CRTAC1: variants seen among roughly 807,000 people sequenced by gnomAD.
CRTAC1 encodes cartilage acidic protein 1.
In CRTAC1, 37 loss-of-function variants were observed where a neutral mutation model predicts 67.8. The ratio of observed to expected loss-of-function variants is 0.55; its 90% confidence interval spans 0.42 to 0.72. CRTAC1 has a LOEUF of 0.72. Among genes scored for constraint, CRTAC1 ranks in the 30% least tolerant of loss-of-function variants. The pLI is 0.00. For missense variants in CRTAC1, 780 were observed against 931.6 expected (o/e 0.84, Z 2.12); for synonymous variants, 348 against 371.0 (o/e 0.94, Z 0.71).
chr10:97,939,317 G>T (rs1404961965), intron 2 of CRTAC1, among the ~76,000 whole-genome samples: 1 of 152,166 alleles, frequency 6.6e-6, no homozygotes, highest in African/African-American at 2.4e-5. Flanking sequence ...GTTTTAAGGT[G>T]CCAGTTCCAG....
At chr10:97,872,469 A>ACT (rs2050104531) in intron 14 of CRTAC1, among the ~76,000 whole-genome samples, 1 of 152,032 alleles carries the variant, frequency 6.6e-6, no homozygotes, top group African/African-American at 2.4e-5. Context: ...AGAGGAGGGG[A>ACT]GGAAGCGTGT....
intron 2 of CRTAC1, among the ~76,000 whole-genome samples, chr10:97,967,271 C>T (rs2051633491): frequency 6.6e-6 from 1 of 152,118 alleles, no homozygotes; most frequent in South Asian, 2.1e-4. Flanking sequence ...CAGCTTTAGC[C>T]ATTGGGAGCT....
At chr10:97,876,360 C>T (rs1253297002) in intron 14 of CRTAC1, among the ~76,000 whole-genome samples, 2 of 152,190 alleles carry the variant, frequency 1.3e-5, no homozygotes, top group Non-Finnish European at 2.9e-5. Flanking sequence ...AGTTTAGATT[C>T]AACCCAGACA....
At chr10:98,026,405 T>C (rs754320828) in intron 1 of CRTAC1, among the ~76,000 whole-genome samples, 1 of 152,182 alleles carries the variant, frequency 6.6e-6, no homozygotes. Flanking sequence ...TCTCAAGCTC[T>C]CTACCCACTC....
intron 6 of CRTAC1, among the ~76,000 whole-genome samples, chr10:97,907,759 A>G (rs1449370768): frequency 1.3e-5 from 2 of 152,160 alleles, no homozygotes; most frequent in African/African-American, 4.8e-5. Flanking sequence ...GGGCAATCTC[A>G]GGTACTGGAA....
chr10:97,880,167 C>T lies in CRTAC1; in HGVS notation c.1819+82G>A, dbSNP rs796737291. 38 of 1,506,574 alleles carry T rather than the reference C, an allele frequency of 2.5e-5. No homozygotes were observed. In the African/African-American group the frequency reaches 4.3e-4, roughly 17 times the overall value. 93.3% of individuals were successfully genotyped at this position (1,506,574 alleles called of 1,614,324 possible). A position where few individuals can be genotyped will look rare whatever the true frequency, so the allele number is the denominator to read the frequency against. ...GCCAGGAGAAGGAAGGGGCTGGGGA[C>T]CTTGATCTGGGGCCTACCCAGAGCT... On this transcript the variant is annotated intron_variant, in intron 14 of 14. Transcript: ENST00000370597.
intron 7 of CRTAC1, among the ~76,000 whole-genome samples, chr10:97,902,812 G>A (rs535373380): frequency 1.7e-4 from 26 of 152,122 alleles, no homozygotes; most frequent in Non-Finnish European, 3.5e-4. Context: ...GTCAGCGGTC[G>A]AGCTGCCTGC....
chr10:97,971,202 T>C (rs2051705903), intron 2 of CRTAC1, among the ~76,000 whole-genome samples: 1 of 152,244 alleles, frequency 6.6e-6, no homozygotes, highest in South Asian at 2.1e-4. Flanking sequence ...TTCATACCTT[T>C]TGATTGATGA....
At chr10:97,898,793 A>G (rs979454204) in intron 8 of CRTAC1, among the ~76,000 whole-genome samples, 2 of 152,082 alleles carry the variant, frequency 1.3e-5, no homozygotes, top group Non-Finnish European at 2.9e-5. Flanking sequence ...AGCAGGTTGG[A>G]GACATGGCTA....
chr10:97,943,473 C>T (rs977169763), intron 2 of CRTAC1, among the ~76,000 whole-genome samples: 1 of 152,226 alleles, frequency 6.6e-6, no homozygotes, highest in South Asian at 2.1e-4. Context: ...CATCTTGTGG[C>T]CACTTGGGGC....
intron 5 of CRTAC1, among the ~76,000 whole-genome samples, chr10:97,912,537 C>T (rs1030511582): frequency 1.3e-5 from 2 of 150,082 alleles, no homozygotes; most frequent in African/African-American, 4.9e-5. Context: ...AATGCAGACC[C>T]AAGTACAAGT....
At chr10:97,965,992 G>A (rs1177866319) in intron 2 of CRTAC1, among the ~76,000 whole-genome samples, 1 of 152,234 alleles carries the variant, frequency 6.6e-6, no homozygotes, top group Non-Finnish European at 1.5e-5. Context: ...GAGCAGCCTG[G>A]AGGGACATAA....
intron 2 of CRTAC1, among the ~76,000 whole-genome samples, chr10:97,988,485 G>A (rs2052021183): frequency 6.6e-6 from 1 of 152,164 alleles, no homozygotes; most frequent in Non-Finnish European, 1.5e-5. Flanking sequence ...ACTTTGGGAG[G>A]CCGAGGCAGG....
At chr10:98,027,354 C>T (rs989504488) in intron 1 of CRTAC1, among the ~76,000 whole-genome samples, 8 of 152,140 alleles carry the variant, frequency 5.3e-5, no homozygotes, top group Non-Finnish European at 1.5e-5. Flanking sequence ...AATGTCCTAG[C>T]ACTCTGACCT....
chr10:97,940,317 T>G (rs1477301535), intron 2 of CRTAC1, among the ~76,000 whole-genome samples: 1 of 152,226 alleles, frequency 6.6e-6, no homozygotes, highest in Non-Finnish European at 1.5e-5. Context: ...GAGTGTGAGC[T>G]ACATGGGCTT....
chr10:97,931,050 A>G (rs1330421812), intron 3 of CRTAC1, among the ~76,000 whole-genome samples: 4 of 152,254 alleles, frequency 2.6e-5, no homozygotes, highest in Admixed American at 2.0e-4. Flanking sequence ...ATACAAAAAT[A>G]GGCAGAGGCT....
At chr10:97,935,086 G>C (rs748814231) in intron 3 of CRTAC1, among the ~76,000 whole-genome samples, 2 of 152,196 alleles carry the variant, frequency 1.3e-5, no homozygotes, top group Non-Finnish European at 2.9e-5. Context: ...AGGCAGTGAG[G>C]ACATAGGGTT....
At chr10:97,887,227 G>T (rs2050299141) in intron 11 of CRTAC1, among the ~76,000 whole-genome samples, 1 of 127,932 alleles carries the variant, frequency 7.8e-6, no homozygotes, top group African/African-American at 3.1e-5. Context: ...CGGCACTTAG[G>T]TTTTTTTTTT....
rs1206614660 is a variant in CRTAC1, at chr10:97,894,854, C to T, written c.1486+391G>A. 1.0e-4 allele frequency among the ~76,000 whole-genome samples: 15 copies of T among 148,812 alleles called. No individual in the cohort carries two copies. In the Admixed American group the frequency reaches 1.0e-3, roughly 10 times the overall value. ...CACTCCCGTTGAGAACGCATGGTTT[C>T]CCAAGCCTTCTGTCCAAGACTGAAC... On this transcript the variant is annotated intron_variant, in intron 11 of 14. Transcript: ENST00000370597.
Sources: gnomAD v4.1 joint callset for allele counts (sites outside exome capture counted in the v4.1 genomes callset) on GRCh38, gnomAD v4.1.1 for gene constraint, MANE v1.5 for transcripts, NCBI Gene and HGNC (gene_info 2026-07-23, HGNC 2026-07-21) for gene names.